The following SEMA5A variants were observed in gnomAD, a reference collection of about 807,000 sequenced individuals.
SEMA5A encodes the protein semaphorin 5A, also known as semaphorin-5A.
A neutral mutation model predicts 135.5 loss-of-function variants in SEMA5A; 55 were observed. The observed-to-expected ratio is 0.41, with a 90% CI of 0.33 to 0.51. SEMA5A has a LOEUF of 0.51. SEMA5A is among the 20% of genes least tolerant of loss of function. The probability of loss-of-function intolerance (pLI) is 0.37; values close to 1 mark genes in which losing one functional copy is unlikely to be tolerated. For missense variants in SEMA5A, 1,290 were observed against 1,419.9 expected, an observed-to-expected ratio of 0.91 and a Z score of 1.47; for synonymous variants, 580 against 546.5, an observed-to-expected ratio of 1.06 and a Z score of -0.85.
chr5:9,405,635 G>C (rs1319891598), intron 2 of SEMA5A, among the ~76,000 whole-genome samples: 5 of 115,828 alleles, frequency 4.3e-5, no homozygotes, highest in African/African-American at 1.5e-4. Flanking sequence ...ACAGCCCCCT[G>C]TCTCTTGGGG....
chr5:9,409,596 G>A (rs971980675), intron 2 of SEMA5A, among the ~76,000 whole-genome samples: 7 of 152,148 alleles, frequency 4.6e-5, no homozygotes, highest in African/African-American at 7.2e-5. Context: ...CTCCTCAGCT[G>A]TTTCTCCTTC....
intron 13 of SEMA5A, among the ~76,000 whole-genome samples, chr5:9,129,303 T>C (rs553633983): frequency 8.5e-5 from 13 of 152,218 alleles, no homozygotes; most frequent in African/African-American, 3.1e-4. Flanking sequence ...TCTGGCAGGG[T>C]AAGAATGTGA....
At chr5:9,390,651 GTTAA>G (rs889811146) in intron 2 of SEMA5A, among the ~76,000 whole-genome samples, 5 of 151,664 alleles carry the variant, frequency 3.3e-5, no homozygotes, top group Admixed American at 6.6e-5. Context: ...ATACCTTTGA[GTTAA>G]TTAGAGTTTG....
intron 1 of SEMA5A, among the ~76,000 whole-genome samples, chr5:9,495,363 T>G (rs1341914112): frequency 1.3e-5 from 2 of 151,978 alleles, no homozygotes; most frequent in Non-Finnish European, 2.9e-5. Flanking sequence ...AGTAAATGAG[T>G]TGAAACTGGA....
At chr5:9,100,698 T>C (rs1470817902) in intron 16 of SEMA5A, among the ~76,000 whole-genome samples, 2 of 152,096 alleles carry the variant, frequency 1.3e-5, no homozygotes, top group Non-Finnish European at 2.9e-5. Flanking sequence ...GGCCAAGCTA[T>C]GATGCCAGAA....
intron 12 of SEMA5A, among the ~76,000 whole-genome samples, chr5:9,141,131 T>C (rs2150230250): frequency 6.6e-6 from 1 of 152,338 alleles, no homozygotes; most frequent in African/African-American, 2.4e-5. Context: ...CAAAATATTT[T>C]ACACCATGGG....
intron 1 of SEMA5A, among the ~76,000 whole-genome samples, chr5:9,480,689 G>C (rs1240462858): frequency 6.6e-6 from 1 of 152,130 alleles, no homozygotes; most frequent in East Asian, 1.9e-4. Context: ...AACAGGCTGG[G>C]AACATTCATC....
chr5:9,513,372 C>A (rs1736326781), intron 1 of SEMA5A, among the ~76,000 whole-genome samples: 1 of 152,032 alleles, frequency 6.6e-6, no homozygotes, highest in East Asian at 1.9e-4. Context: ...CATCAAATTT[C>A]TTTAAAAGGA....
chr5:9,104,816 C>T (rs1456579703), intron 16 of SEMA5A, among the ~76,000 whole-genome samples: 1 of 152,178 alleles, frequency 6.6e-6, no homozygotes, highest in African/African-American at 2.4e-5. Flanking sequence ...CAGAGGACCC[C>T]AGATGCTCCT....
rs1265457605 is a variant in SEMA5A at position 9,038,145 on chromosome 5, G to T, written c.*4752C>A. ...AAGTTAGGATGAACAAATGGGCTAG[G>T]CAAGGCCAAGGCCATCTGTAAACTC... On this transcript the variant is annotated 3_prime_UTR_variant, in exon 23 of 23. Coordinates refer to ENST00000382496, the MANE Select transcript of SEMA5A (RefSeq NM_003966.3). 6.6e-6 allele frequency: 1 copy of T among 152,228 alleles called. No individual in the cohort carries two copies. Among genetic ancestry groups the T allele is most frequent in the Non-Finnish European group, 1.5e-5 (1 of 68,040 alleles). 9.4% of individuals were successfully genotyped at this position (152,228 alleles called of 1,614,324 possible).
chr5:9,056,607 C>T (rs530527364), intron 18 of SEMA5A, among the ~76,000 whole-genome samples: 10 of 152,290 alleles, frequency 6.6e-5, no homozygotes, highest in African/African-American at 2.4e-4. Flanking sequence ...CTGTCACCCT[C>T]ACTACTCAGG....
chr5:9,140,591 T>G (rs1050549027), intron 12 of SEMA5A, among the ~76,000 whole-genome samples: 1 of 152,218 alleles, frequency 6.6e-6, no homozygotes, highest in African/African-American at 2.4e-5. Flanking sequence ...AGATCGAATC[T>G]GAGAGTGTCT....
At chr5:9,374,535 C>T (rs1026713980) in intron 3 of SEMA5A, among the ~76,000 whole-genome samples, 7 of 151,912 alleles carry the variant, frequency 4.6e-5, no homozygotes, top group East Asian at 3.9e-4. Context: ...TACAAAAAAG[C>T]GTTCACGGGG....
At chr5:9,297,992 G>A (rs932716439) in intron 5 of SEMA5A, among the ~76,000 whole-genome samples, 3 of 152,082 alleles carry the variant, frequency 2.0e-5, no homozygotes, top group African/African-American at 7.2e-5. Context: ...TAGCTATAAA[G>A]TTAGGTGACC....
intron 16 of SEMA5A, among the ~76,000 whole-genome samples, chr5:9,071,803 A>C (rs566313529): frequency 6.6e-6 from 1 of 152,346 alleles, no homozygotes; most frequent in African/African-American, 2.4e-5. Flanking sequence ...TATGGTTTCC[A>C]TATGCATTTA....
intron 12 of SEMA5A, among the ~76,000 whole-genome samples, chr5:9,143,172 G>T (rs1191101318): frequency 2.0e-5 from 3 of 152,218 alleles, no homozygotes; most frequent in Admixed American, 1.3e-4. Flanking sequence ...TATAAAAAAG[G>T]TTTTTTTGAG....
chr5:9,247,011 A>G (rs1287079960), intron 5 of SEMA5A, among the ~76,000 whole-genome samples: 1 of 152,190 alleles, frequency 6.6e-6, no homozygotes, highest in Non-Finnish European at 1.5e-5. Context: ...AAGGGTTCAA[A>G]AGGGACTGCA....
intron 11 of SEMA5A, among the ~76,000 whole-genome samples, chr5:9,172,412 G>A (rs541675972): frequency 1.1e-4 from 17 of 152,230 alleles, no homozygotes; most frequent in East Asian, 9.6e-4. Flanking sequence ...GTGTTCTTCC[G>A]CTAAGGACAA....
At chr5:9,357,331 T>C (rs1036548818) in intron 3 of SEMA5A, among the ~76,000 whole-genome samples, 30 of 152,226 alleles carry the variant, frequency 2.0e-4, no homozygotes, top group African/African-American at 7.2e-4. Flanking sequence ...AGGGGAAAAC[T>C]GCAGTGCATT....
Sources: allele counts gnomAD v4.1 joint callset (sites outside exome capture counted in the v4.1 genomes callset), GRCh38; gene constraint gnomAD v4.1.1; transcripts MANE v1.5; gene names NCBI Gene and HGNC (gene_info 2026-07-23, HGNC 2026-07-21).